NRXN1: variants seen among roughly 807,000 people sequenced by gnomAD.
The protein encoded by NRXN1 is neurexin-1.
Under a neutral mutation model 150.9 loss-of-function variants are expected in NRXN1, and 39 were observed. The ratio of observed to expected loss-of-function variants is 0.26; its 90% CI spans 0.20 to 0.34. The LOEUF is 0.34. Among genes scored for constraint, NRXN1 ranks in the 10% least tolerant of loss-of-function variants. The pLI is 1.00. For synonymous variants in NRXN1, 924 were observed against 757.0 expected (o/e 1.22, Z -3.62); for missense variants, 1,815 against 1,949.9 (o/e 0.93, Z 1.30).
At chr2:49,978,402 C>T (rs1300964256) in intron 21 of NRXN1, among the ~76,000 whole-genome samples, 3 of 152,078 alleles carry the variant, frequency 2.0e-5, no homozygotes, top group Admixed American at 6.6e-5. Context: ...TTCTTGTCCT[C>T]GGGCTCTCAC....
rs1398433272 is a variant in NRXN1 at position 50,261,310 on chromosome 2, C to T, written c.3365-24340G>A. 2.0e-5 allele frequency among the ~76,000 whole-genome samples: 3 copies of T among 151,812 alleles called. No homozygotes were observed. The East Asian group carries it at 5.8e-4, about 29-fold the overall frequency. On this transcript the variant is annotated intron_variant, in intron 17 of 22. Transcript: ENST00000401669. Reference sequence around the variant, plus strand: ...AAAATATTTAATTATTTTTCCCAGACTTTGCTTAACAAGTGTATATAACAA... The same window carrying T: ...AAAATATTTAATTATTTTTCCCAGATTTTGCTTAACAAGTGTATATAACAA...
rs141319387 is a variant in NRXN1 at position 50,360,006 on chromosome 2, T to C, written c.3364+105436A>G. Among the ~76,000 whole-genome samples the C allele has an allele frequency of 9.1e-3, 1,379 of 152,250 alleles. 11 individuals are homozygous for C. Among genetic ancestry groups the C allele is most frequent in the Non-Finnish European group, 0.014 (980 of 67,998 alleles). The stretch of plus-strand genomic sequence containing the variant: ...CCCAGAATTTCATATTCAGCCAAAA[T>C]AAGCTTCATAAGTGAAGGAGAAATA... On this transcript the variant is annotated intron_variant, in intron 17 of 22. Transcript: ENST00000401669.
intron 19 of NRXN1, among the ~76,000 whole-genome samples, chr2:50,082,000 A>G (rs1239593561): frequency 6.6e-6 from 1 of 152,164 alleles, no homozygotes; most frequent in African/African-American, 2.4e-5. Flanking sequence ...ATTAAAATCA[A>G]CCAAATACTT....
At chr2:50,539,263 TG>T (rs1429773004) in intron 9 of NRXN1, among the ~76,000 whole-genome samples, 1 of 152,206 alleles carries the variant, frequency 6.6e-6, no homozygotes, top group Non-Finnish European at 1.5e-5. Context: ...GTAATGTACA[TG>T]GTTTATAATA....
chr2:50,430,263 A>G (rs2084852782), intron 17 of NRXN1, among the ~76,000 whole-genome samples: 1 of 152,120 alleles, frequency 6.6e-6, no homozygotes, highest in African/African-American at 2.4e-5. Flanking sequence ...TTCCTGGGGT[A>G]GGGACCTATG....
chr2:51,013,678 T>C lies in NRXN1; in HGVS notation c.772+13824A>G, dbSNP rs142661550. ...AAGCAATTTAAAACTAGCAGTTGTC[T>C]ATTTAAGCTACTAAGGATCTCTAGT... On this transcript the variant is annotated intron_variant, in intron 2 of 22. Transcript: ENST00000401669. Among the ~76,000 whole-genome samples the C allele has an allele frequency of 2.0e-5, 3 of 152,182 alleles. No individual in the cohort carries two copies. The East Asian group carries it at 5.9e-4, about 30-fold the overall frequency.
intron 22 of NRXN1, among the ~76,000 whole-genome samples, chr2:49,942,123 C>T (rs149059611): frequency 6.6e-6 from 1 of 152,246 alleles, no homozygotes; most frequent in African/African-American, 2.4e-5. Context: ...GGAATGATTG[C>T]AGAGGCCAAT....
chr2:50,416,560 C>T (rs1168440856), intron 17 of NRXN1, among the ~76,000 whole-genome samples: 1 of 152,108 alleles, frequency 6.6e-6, no homozygotes, highest in Non-Finnish European at 1.5e-5. Context: ...TGTTCTCACA[C>T]TCCTATAAAG....
chr2:50,310,781 C>T lies in NRXN1; in HGVS notation c.3365-73811G>A, dbSNP rs557623157. ...TAGATATGTTTATATCATATATATA[C>T]TGATTCAACAGAGGAGAAAATATTC... On this transcript the variant is annotated intron_variant, in intron 17 of 22. Transcript: ENST00000401669. Among the ~76,000 whole-genome samples the T allele has an allele frequency of 1.1e-4, 17 of 152,170 alleles. No homozygotes were observed. In the East Asian group the frequency reaches 3.3e-3, roughly 29 times the overall value.
chr2:50,923,880 T>C lies in NRXN1; in HGVS notation c.791-1193A>G, dbSNP rs369601367. Among the ~76,000 whole-genome samples the C allele has an allele frequency of 2.0e-3, 299 of 151,960 alleles. 4 individuals carry two copies. Among genetic ancestry groups the C allele is most frequent in the African/African-American group, 7.0e-3 (291 of 41,526 alleles). On this transcript the variant is annotated intron_variant, in intron 3 of 22. Transcript: ENST00000401669. Reference sequence around the variant, plus strand: ...AACATCTCTGTAGGCTAGATATAATTACAAATAATCATCTAATCACAATAT... The same window carrying C: ...AACATCTCTGTAGGCTAGATATAATCACAAATAATCATCTAATCACAATAT...
chr2:50,933,853 C>G (rs972016257), intron 2 of NRXN1, among the ~76,000 whole-genome samples: 12 of 152,090 alleles, frequency 7.9e-5, no homozygotes, highest in Admixed American at 2.6e-4. Flanking sequence ...AATATAGCTT[C>G]TTAAAATATT....
At chr2:50,768,541 A>T (rs1702625128) in intron 5 of NRXN1, among the ~76,000 whole-genome samples, 1 of 151,738 alleles carries the variant, frequency 6.6e-6, no homozygotes, top group Non-Finnish European at 1.5e-5. Flanking sequence ...TCCTGAGCTC[A>T]AGTGATCTGC....
chr2:50,398,617 T>C (rs1017099394), intron 17 of NRXN1, among the ~76,000 whole-genome samples: 1 of 152,170 alleles, frequency 6.6e-6, no homozygotes, highest in East Asian at 1.9e-4. Flanking sequence ...CTAATTAACA[T>C]ACACAGTCAT....
At chr2:49,952,569 T>C (rs1289314601) in intron 21 of NRXN1, among the ~76,000 whole-genome samples, 1 of 152,142 alleles carries the variant, frequency 6.6e-6, no homozygotes, top group African/African-American at 2.4e-5. Context: ...AGACCTTACA[T>C]ACCATGCCCT....
intron 5 of NRXN1, chr2:50,918,857 C>A: frequency 4.5e-6 from 1 of 220,304 alleles, no homozygotes; most frequent in Non-Finnish European, 8.8e-6. Context: ...AAATGTGATC[C>A]AAATTTCATG....
At chr2:50,893,518 C>G (rs1419040982) in intron 5 of NRXN1, among the ~76,000 whole-genome samples, 1 of 151,956 alleles carries the variant, frequency 6.6e-6, no homozygotes, top group Admixed American at 6.6e-5. Context: ...ATTAAAGGAC[C>G]AAAAGATTCT....
At chr2:51,025,423 C>T (rs183210907) in intron 2 of NRXN1, among the ~76,000 whole-genome samples, 1 of 152,092 alleles carries the variant, frequency 6.6e-6, no homozygotes, top group Non-Finnish European at 1.5e-5. Flanking sequence ...CTTAACTGTT[C>T]CTGATTATGC....
intron 20 of NRXN1, among the ~76,000 whole-genome samples, chr2:50,054,319 A>C (rs573916969): frequency 6.6e-6 from 1 of 152,274 alleles, no homozygotes; most frequent in African/African-American, 2.4e-5. Flanking sequence ...AAATTATGGC[A>C]CATTTCCATC....
At chr2:50,340,140 C>T (rs2077453678) in intron 17 of NRXN1, among the ~76,000 whole-genome samples, 1 of 152,122 alleles carries the variant, frequency 6.6e-6, no homozygotes, top group Non-Finnish European at 1.5e-5. Context: ...ATCATAAGCC[C>T]TGCCGTGGTT....
Sources: allele counts gnomAD v4.1 joint callset (sites outside exome capture counted in the v4.1 genomes callset), GRCh38; gene constraint gnomAD v4.1.1; transcripts MANE v1.5; gene names NCBI Gene and HGNC (gene_info 2026-07-23, HGNC 2026-07-21).